Variants in TMLHE observed in about 807,000 individuals in gnomAD.
TMLHE encodes trimethyllysine hydroxylase, epsilon.
Under a neutral mutation model 25.7 loss-of-function variants are expected in TMLHE, and 18 were observed. That is an observed-to-expected ratio of 0.70 (90% CI 0.48 to 1.04). The LOEUF (loss-of-function observed/expected upper bound fraction) is 1.04. TMLHE is among the 50% of genes least tolerant of loss of function. The pLI is 0.00. For missense variants in TMLHE, 236 were observed against 259.0 expected (o/e 0.91, Z 0.61); for synonymous variants, 105 against 97.0 (o/e 1.08, Z -0.49).
At chrX:155,534,575 C>T (rs1380231720) in intron 2 of TMLHE, among the ~76,000 whole-genome samples, 2 of 111,086 alleles carry the variant, frequency 1.8e-5, no homozygotes, top group African/African-American at 6.6e-5. Flanking sequence ...CTCTATTGTA[C>T]CTGTCCCACC....
chrX:155,548,505 GC>G, intron 1 of TMLHE, among the ~76,000 whole-genome samples: 1 of 108,210 alleles, frequency 9.2e-6, no homozygotes, highest in Non-Finnish European at 1.9e-5. Flanking sequence ...GGAGGTCAAG[GC>G]GGGCGGATCA....
chrX:155,523,683 TA>T (rs1260837673), intron 3 of TMLHE, among the ~76,000 whole-genome samples: 1 of 111,385 alleles, frequency 9.0e-6, no homozygotes, highest in Non-Finnish European at 1.9e-5. Context: ...TTTATAATTA[TA>T]AAAAAAATCT....
At chrX:155,556,845 C>T (rs1428535255) in intron 1 of TMLHE, among the ~76,000 whole-genome samples, 1 of 110,823 alleles carries the variant, frequency 9.0e-6, no homozygotes, top group African/African-American at 3.3e-5. Context: ...AGGTACGCCC[C>T]GGGGGGGCCA....
At chrX:155,565,909 A>T (rs2067510349) in intron 1 of TMLHE, among the ~76,000 whole-genome samples, 1 of 62,007 alleles carries the variant, frequency 1.6e-5, no homozygotes, top group African/African-American at 3.6e-5. Flanking sequence ...GGTCTCCTGC[A>T]TTGCTCTGTT....
At chrX:155,555,876 T>C (rs782409524) in intron 1 of TMLHE, among the ~76,000 whole-genome samples, 3 of 109,505 alleles carry the variant, frequency 2.7e-5, no homozygotes, top group South Asian at 3.9e-4. Flanking sequence ...TTAGTTTAAT[T>C]AGATCCCATT....
At chrX:155,602,677 A>G (rs2067762719) in intron 1 of TMLHE, among the ~76,000 whole-genome samples, 1 of 111,411 alleles carries the variant, frequency 9.0e-6, no homozygotes, top group African/African-American at 3.3e-5. Flanking sequence ...TCACATGCAC[A>G]CATACACATG....
At chrX:155,513,276 G>A (rs1037590757) in intron 4 of TMLHE, among the ~76,000 whole-genome samples, 4 of 111,410 alleles carry the variant, frequency 3.6e-5, no homozygotes, top group Admixed American at 9.6e-5. Context: ...CCAAAAGTGC[G>A]TAATGGTAAT....
chrX:155,604,763 C>T (rs1274428280), intron 1 of TMLHE, among the ~76,000 whole-genome samples: 1 of 111,791 alleles, frequency 8.9e-6, no homozygotes, highest in Non-Finnish European at 1.9e-5. Context: ...CACTTAAGCA[C>T]CATCTACTGG....
At chrX:155,532,617 C>A (rs1170649702) in intron 2 of TMLHE, among the ~76,000 whole-genome samples, 1 of 109,241 alleles carries the variant, frequency 9.2e-6, no homozygotes, top group Non-Finnish European at 1.9e-5. Flanking sequence ...TTTGGTGGTG[C>A]CCTACAGTTG....
intron 2 of TMLHE, among the ~76,000 whole-genome samples, chrX:155,542,200 C>T (rs889903335): frequency 9.0e-6 from 1 of 111,256 alleles, no homozygotes; most frequent in Non-Finnish European, 1.9e-5. Flanking sequence ...AGTCTTTAAT[C>T]CATCTTGAGT....
intron 1 of TMLHE, among the ~76,000 whole-genome samples, chrX:155,603,245 G>C (rs7881235): frequency 9.0e-6 from 1 of 111,118 alleles, no homozygotes; most frequent in Admixed American, 9.6e-5. Context: ...TGGGAGGATC[G>C]TTTGAGCCTG....
chrX:155,550,292 C>G (rs2067406282), intron 1 of TMLHE, among the ~76,000 whole-genome samples: 1 of 110,441 alleles, frequency 9.1e-6, no homozygotes, highest in Non-Finnish European at 1.9e-5. Flanking sequence ...AGTCGCAATC[C>G]TAATTTAACT....
chrX:155,555,039 AC>A (rs1246486916), intron 1 of TMLHE, among the ~76,000 whole-genome samples: 1 of 108,767 alleles, frequency 9.2e-6, no homozygotes, highest in Non-Finnish European at 1.9e-5. Context: ...CCAGCTCCCC[AC>A]CCCCTGACAG....
intron 3 of TMLHE, among the ~76,000 whole-genome samples, chrX:155,518,409 G>A (rs1276305456): frequency 1.1e-5 from 1 of 93,597 alleles, no homozygotes; most frequent in Non-Finnish European, 2.1e-5. Context: ...ATGTGCTGCT[G>A]GATTCGGTTT....
At chrX:155,579,355 T>G (rs191274135) in intron 1 of TMLHE, among the ~76,000 whole-genome samples, 201 of 111,921 alleles carry the variant, frequency 1.8e-3, no homozygotes, top group African/African-American at 6.2e-3. Flanking sequence ...CAAATTATAC[T>G]ACAAAGCTAT....
At chrX:155,551,246 A>G (rs1264412603) in intron 1 of TMLHE, among the ~76,000 whole-genome samples, 1 of 110,049 alleles carries the variant, frequency 9.1e-6, no homozygotes, top group Non-Finnish European at 1.9e-5. Flanking sequence ...GTTTTAGGGT[A>G]CATGTGCACA....
chrX:155,578,436 T>TATGG (rs2067604621), intron 1 of TMLHE, among the ~76,000 whole-genome samples: 1 of 111,521 alleles, frequency 9.0e-6, no homozygotes, highest in African/African-American at 3.3e-5. Flanking sequence ...GGAACCTGAG[T>TATGG]ACTCTTCCCA....
chrX:155,510,496 G>A (rs1485734142), intron 5 of TMLHE, among the ~76,000 whole-genome samples: 6 of 101,070 alleles, frequency 5.9e-5, no homozygotes, highest in East Asian at 3.2e-4. Flanking sequence ...GAGAACATGC[G>A]GTGTTTGGTT....
intron 1 of TMLHE, among the ~76,000 whole-genome samples, chrX:155,601,928 A>C (rs1338057288): frequency 9.0e-6 from 1 of 111,153 alleles, no homozygotes; most frequent in Non-Finnish European, 1.9e-5. Context: ...TTTAAGAAAA[A>C]AATGTTATAG....
Sources: gnomAD v4.1 joint callset for allele counts (sites outside exome capture counted in the v4.1 genomes callset) on GRCh38, gnomAD v4.1.1 for gene constraint, MANE v1.5 for transcripts, NCBI Gene and HGNC (gene_info 2026-07-23, HGNC 2026-07-21) for gene names.